Variants in CD163 observed in about 807,000 individuals in gnomAD.
The protein encoded by CD163 is CD163 molecule, also known as scavenger receptor cysteine-rich type 1 protein M130.
Under a neutral mutation model 129.2 loss-of-function variants are expected in CD163, and 64 were observed. The ratio of observed to expected loss-of-function variants is 0.50; its 90% CI spans 0.41 to 0.61. The LOEUF is 0.61. Among genes scored for constraint, CD163 ranks in the 20% least tolerant of loss-of-function variants. CD163 has a pLI of 0.00. For synonymous variants in CD163, 446 were observed against 478.5 expected (o/e 0.93, Z 0.89); for missense variants, 1,061 against 1,377.9 (o/e 0.77, Z 3.64).
At chr12:7,481,013 T>G in intron 15 of CD163, 148 bp downstream of exon 15, 1 of 1,357,946 alleles carries the variant, frequency 7.4e-7, no homozygotes, top group South Asian at 2.1e-5. Flanking sequence ...AAGAATAATT[T>G]TCAGTCATTC....
At position 7,497,105 on chromosome 12, in the gene CD163, T is replaced by C. The variant is rs755934232; in HGVS notation, c.807A>G (p.Val269=). 1 of 1,614,070 alleles carries C rather than the reference T, an allele frequency of 6.2e-7. No homozygotes were observed. Among genetic ancestry groups the C allele is most frequent in the South Asian group, 1.1e-5 (1 of 91,070 alleles). ...TTCCTGAACATTCAGTGACTCCATCTACCAGTCTCAGGCTCAGATCTGCTC... is the reference window on the plus strand; with the variant it reads ...TTCCTGAACATTCAGTGACTCCATCCACCAGTCTCAGGCTCAGATCTGCTC... ...SKGADLSLRL[V]DGVTECSGRL... is the part of the protein sequence containing the mutation. The change falls in exon 5 of 17, where the codon GTA becomes GTG. Residue 269 remains valine (V), a synonymous_variant. Coordinates refer to ENST00000432237, the MANE Select transcript of CD163 (RefSeq NM_203416.4).
intron 6 of CD163, among the ~76,000 whole-genome samples, chr12:7,491,373 C>T (rs750498374): frequency 8.7e-4 from 132 of 152,082 alleles, no homozygotes; most frequent in African/African-American, 3.0e-3. Context: ...TTGCTTATAT[C>T]GTTACTCTTT....
chr12:7,486,684 C>G lies in CD163; in HGVS notation c.2273G>C (p.Arg758Thr), dbSNP rs1424998753. 4 of 1,614,074 alleles carry G rather than the reference C, an allele frequency of 2.5e-6. No individual in the cohort carries two copies. The highest frequency in any genetic ancestry group is 3.4e-6 in the Non-Finnish European group (4 of 1,180,042). Residue 758 changes from arginine to threonine, a missense_variant, in exon 10 of 17, where the codon AGA becomes ACA. Transcript: ENST00000432237. Reference protein sequence around the residue: ...WDLSDAHVVCRQLGCGEAINA... With the variant: ...WDLSDAHVVCTQLGCGEAINA... ...AATGGCCTCTCCACAGCCCAGCTGT[C>G]TGCAAACCACGTGGGCATCACTCAG...
chr12:7,500,177 T>C (rs1949460217), intron 3 of CD163, among the ~76,000 whole-genome samples: 1 of 151,468 alleles, frequency 6.6e-6, no homozygotes, highest in Admixed American at 6.6e-5. Context: ...TCCCAGGATT[T>C]TGGGAGGCCG....
chr12:7,475,843 G>T (rs1175797236), intron 16 of CD163, among the ~76,000 whole-genome samples: 1 of 152,124 alleles, frequency 6.6e-6, no homozygotes, highest in Non-Finnish European at 1.5e-5. Flanking sequence ...AAACCCCATT[G>T]TCTCAGCCGA....
In CD163 at chr12:7,496,376, A is replaced by G. The variant is rs1949402029; in HGVS notation, c.1099+437T>C. On this transcript the variant is annotated intron_variant, in intron 5 of 16. Coordinates refer to ENST00000432237, the MANE Select transcript of CD163 (RefSeq NM_203416.4). This position sits in a 1 kb window ranked among gnomAD's most constrained non-coding sequence, Gnocchi z 4.8. ...GAGCATTAGGACAAATACCTAATGC[A>G]TGGGGGGTTAAAACCTAGATGACAG... 6.6e-6 allele frequency among the ~76,000 whole-genome samples: 1 copy of G among 151,986 alleles called. No individual in the cohort carries two copies. The highest frequency in any genetic ancestry group is 2.4e-5 in the African/African-American group (1 of 41,390).
chr12:7,497,583 T>G lies in CD163; in HGVS notation c.779-450A>C, dbSNP rs1395865693. ...CTGTGTTGTACACCTGAACCTGTTG[T>G]GACCACTTCCTTAGTTTAAAAGCAG... On this transcript the variant is annotated intron_variant, in intron 4 of 16. Coordinates refer to ENST00000432237, the MANE Select transcript of CD163 (RefSeq NM_203416.4). Among the ~76,000 whole-genome samples, 3 of 152,366 alleles carry G rather than the reference T, an allele frequency of 2.0e-5. No individual in the cohort carries two copies. In the East Asian group the frequency reaches 5.8e-4, roughly 29 times the overall value.
chr12:7,481,341 A>C, intron 14 of CD163, 85 bp from the exon 15 acceptor site: 1 of 949,316 alleles, frequency 1.1e-6, no homozygotes, highest in Non-Finnish European at 1.7e-6. Context: ...AAGCGCTGCA[A>C]ACATACCTCG....
intron 15 of CD163, 137 bp downstream of exon 15, chr12:7,481,024 T>G: frequency 7.2e-7 from 1 of 1,393,160 alleles, no homozygotes; most frequent in Admixed American, 2.9e-5. Context: ...TCAGTCATTC[T>G]TGTCCATTAT....
intron 16 of CD163, among the ~76,000 whole-genome samples, chr12:7,473,949 C>A (rs1249003882): frequency 6.6e-6 from 1 of 151,890 alleles, no homozygotes; most frequent in Non-Finnish European, 1.5e-5. Context: ...ATAAAATAGA[C>A]CTTAAGCCAA....
At chr12:7,500,002 G>A (rs1004389645) in intron 3 of CD163, among the ~76,000 whole-genome samples, 2 of 152,172 alleles carry the variant, frequency 1.3e-5, no homozygotes, top group South Asian at 2.1e-4. Flanking sequence ...ATTTATTTCA[G>A]CATTTTTCTA....
At position 7,502,491 on chromosome 12, in the gene CD163, G is replaced by A; in HGVS notation, c.120C>T (p.Val40=). 6.3e-7 allele frequency: 1 copy of A among 1,596,096 alleles called. No homozygotes were observed. Among genetic ancestry groups the A allele is most frequent in the Non-Finnish European group, 8.6e-7 (1 of 1,163,672 alleles). ...TVVLLLSACF[V]TSSLGGTDKE... The stretch of plus-strand genomic sequence containing the variant: ...CAAAGTACTCACCAAGAGAACTGGT[G>A]ACAAAACAGGCACTGAGAAGTAAGA... Residue 40 remains valine, a synonymous_variant, in exon 2 of 17, where the codon GTC becomes GTT. Coordinates refer to ENST00000432237, the MANE Select transcript of CD163 (RefSeq NM_203416.4).
At position 7,487,073 on chromosome 12, in the gene CD163, C is replaced by A. The variant is rs1245399730; in HGVS notation, c.2051-87G>T. The A allele has an allele frequency of 1.6e-5, 17 of 1,057,994 alleles. No individual in the cohort carries two copies. The highest frequency in any genetic ancestry group is 2.0e-5 in the Admixed American group (1 of 49,286). 65.5% of individuals were successfully genotyped at this position (1,057,994 alleles called of 1,614,324 possible). A position where few individuals can be genotyped will look rare whatever the true frequency, so the allele number is the denominator to read the frequency against. The stretch of plus-strand genomic sequence containing the variant: ...GTTATATGGATGAGTTGAGGACAAA[C>A]ATAGCTTAGAGAGAGAGGGGAAGGT... On this transcript the variant is annotated intron_variant, in intron 8 of 16. Coordinates refer to ENST00000432237, the MANE Select transcript of CD163 (RefSeq NM_203416.4). This position sits in a 1 kb window ranked among gnomAD's most constrained non-coding sequence, Gnocchi z 5.1.
intron 16 of CD163, among the ~76,000 whole-genome samples, chr12:7,476,045 T>G (rs1203441715): frequency 6.6e-6 from 1 of 152,090 alleles, no homozygotes; most frequent in Non-Finnish European, 1.5e-5. Context: ...GTGAAGGACC[T>G]CTTAAAGGAG....
intron 12 of CD163, 89 bp from the exon 13 acceptor site, chr12:7,483,093 T>G (rs1240534119): frequency 7.8e-7 from 1 of 1,285,128 alleles, no homozygotes; most frequent in Admixed American, 1.9e-5. Flanking sequence ...CCTTAGTACC[T>G]CTCAACCAAG....
chr12:7,487,364 C>A lies in CD163; in HGVS notation c.2045G>T (p.Cys682Phe). 6.3e-7 allele frequency: 1 copy of A among 1,579,690 alleles called. No individual in the cohort carries two copies. The highest frequency in any genetic ancestry group is 1.2e-5 in the South Asian group (1 of 84,142). Residue 682 changes from cysteine to phenylalanine, a missense_variant, in exon 8 of 17, where the codon TGC becomes TTC. Physicochemically the swap from Cys to Phe is radical, Grantham distance 205. Transcript: ENST00000432237. This position sits in a 1 kb window ranked among gnomAD's most constrained non-coding sequence, Gnocchi z 5.1. ...CPSEQVASVI[C>F]SGNQSQTLSS... ...GCTGCCCGTCATCCTCTTACCTGAG[C>A]AGATTACAGAGGCCACTTGCTCTGA...
At chr12:7,488,192 G>A in intron 6 of CD163, 105 bp from the exon 7 acceptor site, 1 of 1,206,142 alleles carries the variant, frequency 8.3e-7, no homozygotes, top group Non-Finnish European at 1.1e-6. Flanking sequence ...AGACCAGGGT[G>A]CTCAGTGATT....
chr12:7,480,076 A>C lies in CD163; in HGVS notation c.3344-163T>G, dbSNP rs186007585. ...TGTGAGGCTCTTTGAGCAACTAAAA[A>C]CACCACCCATAACTAGGAAGAAAAG... On this transcript the variant is annotated intron_variant, in intron 15 of 16. Transcript: ENST00000432237. The C allele has an allele frequency of 9.5e-4, 1,259 of 1,324,532 alleles. 37 individuals carry two copies. In the East Asian group the frequency reaches 0.027, roughly 29 times the overall value. 82.0% of individuals were successfully genotyped at this position (1,324,532 alleles called of 1,614,324 possible).
rs904455183 is a variant in CD163, at chr12:7,487,188, T to C, written c.2050+171A>G. Among the ~76,000 whole-genome samples the C allele has an allele frequency of 7.2e-5, 11 of 152,160 alleles. 1 individual carries two copies. Among genetic ancestry groups the C allele is most frequent in the African/African-American group, 2.4e-4 (10 of 41,434 alleles). On this transcript the variant is annotated intron_variant, in intron 8 of 16. Transcript: ENST00000432237. This position sits in a 1 kb window ranked among gnomAD's most constrained non-coding sequence, Gnocchi z 5.1. The stretch of plus-strand genomic sequence containing the variant: ...GGATAACTAAGAAGTCCATCAAAAT[T>C]AGGTTTGCTCACCCTCTGAAAAGAC...
Sources: gnomAD v4.1 joint callset for allele counts (sites outside exome capture counted in the v4.1 genomes callset) on GRCh38, gnomAD v4.1.1 for gene constraint, Gnocchi (gnomAD v3.1) non-coding constraint, MANE v1.5 for transcripts, NCBI Gene and HGNC (gene_info 2026-07-23, HGNC 2026-07-21) for gene names.